COL4A3: variants seen among roughly 807,000 people sequenced by gnomAD.
COL4A3 encodes the protein collagen alpha-3(IV) chain.
A neutral mutation model predicts 217.4 loss-of-function variants in COL4A3; 135 were observed. The observed-to-expected ratio is 0.62, with a 90% CI of 0.54 to 0.72. The LOEUF is 0.72. COL4A3 is among the 30% of genes least tolerant of loss of function. COL4A3 has a pLI of 0.00. For missense variants in COL4A3, 1,868 were observed against 2,119.9 expected, an observed-to-expected ratio of 0.88 and a Z score of 2.33; for synonymous variants, 690 against 736.3, an observed-to-expected ratio of 0.94 and a Z score of 1.02.
Position 227,311,932 on chromosome 2 carries a change from T to A in COL4A3, c.*62T>A. ...TAAAGAACAAAGTAATGACAGAACATGCTGTTATTTAGGTATTTTTCTTTA... is the reference window on the plus strand; with the variant it reads ...TAAAGAACAAAGTAATGACAGAACAAGCTGTTATTTAGGTATTTTTCTTTA... On this transcript the variant is annotated 3_prime_UTR_variant, in exon 52 of 52. Transcript: ENST00000396578. 1 of 1,602,150 alleles carries A rather than the reference T, an allele frequency of 6.2e-7. No homozygotes were observed. The highest frequency in any genetic ancestry group is 8.5e-7 in the Non-Finnish European group (1 of 1,173,016).
In COL4A3 at chr2:227,253,360, T is replaced by G; in HGVS notation, c.687+23T>G. On this transcript the variant is annotated intron_variant, in intron 12 of 51. Coordinates refer to ENST00000396578, the MANE Select transcript of COL4A3 (RefSeq NM_000091.5). The surrounding 1 kb of genome is among the most constrained non-coding windows in gnomAD (Gnocchi z 4.4). ...CGGGTAATTTAAATACTATGTTTTA[T>G]TAGCAGGCGAGATATTTTATGTCCC... is the stretch of plus-strand genomic sequence containing the variant. 1.2e-6 allele frequency: 2 copies of G among 1,611,274 alleles called. No homozygotes were observed. Among genetic ancestry groups the G allele is most frequent in the Non-Finnish European group, 1.7e-6 (2 of 1,177,380 alleles).
intron 1 of COL4A3, among the ~76,000 whole-genome samples, chr2:227,211,396 T>C (rs763382546): frequency 6.6e-6 from 1 of 152,212 alleles, no homozygotes; most frequent in Non-Finnish European, 1.5e-5. Context: ...GGGGCATGCA[T>C]GGGGTTTCTC....
intron 1 of COL4A3, among the ~76,000 whole-genome samples, chr2:227,216,380 A>C (rs1272175662): frequency 6.6e-6 from 1 of 152,220 alleles, no homozygotes; most frequent in Non-Finnish European, 1.5e-5. Flanking sequence ...AACCAGGACA[A>C]TACTACAAAG....
At position 227,198,391 on chromosome 2, in the gene COL4A3, C is replaced by A. The variant is rs187951270; in HGVS notation, c.87+33578C>A. On this transcript the variant is annotated intron_variant, in intron 1 of 51. Coordinates refer to ENST00000396578, the MANE Select transcript of COL4A3 (RefSeq NM_000091.5). ...TTGTAGCAATACTTATTTAAAAATT[C>A]AAATATAGTATATCATTTATGAAGA... Among the ~76,000 whole-genome samples the A allele has an allele frequency of 8.7e-3, 1,318 of 152,194 alleles. 22 individuals are homozygous for A. The highest frequency in any genetic ancestry group is 0.03 in the African/African-American group (1,259 of 41,540).
rs2072034514 is a variant in COL4A3, at chr2:227,282,328, T to C, written c.2489-37T>C. The C allele has an allele frequency of 2.0e-6, 3 of 1,527,688 alleles. No homozygotes were observed. Among genetic ancestry groups the C allele is most frequent in the African/African-American group, 1.4e-5 (1 of 70,958 alleles). 94.6% of individuals were successfully genotyped at this position (1,527,688 alleles called of 1,614,324 possible). On this transcript the variant is annotated intron_variant, in intron 31 of 51. Coordinates refer to ENST00000396578, the MANE Select transcript of COL4A3 (RefSeq NM_000091.5). This position sits in a 1 kb window ranked among gnomAD's most constrained non-coding sequence, Gnocchi z 4.4. ...TCTGAAGTTAGTAGGGGAAAGCATTTGTGGGTTAATTAATTCATTCATTTA... is the reference window on the plus strand; with the variant it reads ...TCTGAAGTTAGTAGGGGAAAGCATTCGTGGGTTAATTAATTCATTCATTTA...
At chr2:227,295,236 C>T (rs1257905773) in intron 40 of COL4A3, 33 bp from the exon 41 acceptor site, 1 of 1,608,476 alleles carries the variant, frequency 6.2e-7, no homozygotes, top group South Asian at 1.1e-5. Context: ...TGAAATTGAC[C>T]AATTATTAAC....
At chr2:227,234,507 A>T (rs10184513) in intron 1 of COL4A3, among the ~76,000 whole-genome samples, 49,181 of 152,116 alleles carry the variant, frequency 0.32, 8,385 homozygotes, top group Non-Finnish European at 0.36. Context: ...GCAATTCATA[A>T]GCCTTCAAAT....
intron 1 of COL4A3, among the ~76,000 whole-genome samples, chr2:227,221,981 G>A (rs1271064209): frequency 7.0e-6 from 1 of 143,834 alleles, no homozygotes; most frequent in Non-Finnish European, 1.5e-5. Flanking sequence ...CAGCATCCTT[G>A]TGTTTAAAAT....
At chr2:227,262,223 G>A (rs548536163) in intron 20 of COL4A3, among the ~76,000 whole-genome samples, 11 of 152,250 alleles carry the variant, frequency 7.2e-5, no homozygotes, top group African/African-American at 2.6e-4. Flanking sequence ...ATCTCTTACA[G>A]TTAGAATGGG....
intron 1 of COL4A3, among the ~76,000 whole-genome samples, chr2:227,213,098 G>A (rs2067389448): frequency 6.6e-6 from 1 of 152,132 alleles, no homozygotes. Context: ...ACCCAACTTG[G>A]CTTCCTCCAA....
intron 2 of COL4A3, 136 bp from the exon 3 acceptor site, chr2:227,240,007 A>AT (rs1471984151): frequency 3.9e-5 from 34 of 863,214 alleles, no homozygotes; most frequent in South Asian, 5.8e-5. Flanking sequence ...GCTAATTATG[A>AT]TTTTTTTAAT....
At chr2:227,290,970 G>A in intron 37 of COL4A3, 84 bp downstream of exon 37, 5 of 1,481,854 alleles carry the variant, frequency 3.4e-6, no homozygotes, top group Non-Finnish European at 9.2e-7. Context: ...ATTCGGTGTG[G>A]GCAGAGAAAA....
intron 47 of COL4A3, among the ~76,000 whole-genome samples, chr2:227,307,127 T>G (rs949204266): frequency 6.6e-6 from 1 of 152,196 alleles, no homozygotes; most frequent in Non-Finnish European, 1.5e-5. Context: ...TACTTTGTTT[T>G]TAACTCATAT....
intron 1 of COL4A3, among the ~76,000 whole-genome samples, chr2:227,200,404 A>G (rs1385390625): frequency 3.9e-5 from 6 of 152,152 alleles, no homozygotes; most frequent in Admixed American, 3.9e-4. Flanking sequence ...TTGATTGTTC[A>G]ATTATTGGCT....
Position 227,273,208 on chromosome 2 carries a change from A to G in COL4A3, c.1927+91A>G. The G allele has an allele frequency of 4.4e-6, 6 of 1,354,352 alleles. No homozygotes were observed. In the South Asian group the frequency reaches 5.9e-5, roughly 13 times the overall value. 83.9% of individuals were successfully genotyped at this position (1,354,352 alleles called of 1,614,324 possible). A position where few individuals can be genotyped will look rare whatever the true frequency, so the allele number is the denominator to read the frequency against. On this transcript the variant is annotated intron_variant, in intron 26 of 51. Coordinates refer to ENST00000396578, the MANE Select transcript of COL4A3 (RefSeq NM_000091.5). ...AAGCTTCTCCAAGACTAAGGAAAAT[A>G]TAGAAACTTGCTTCTAACGAATAGA...
intron 1 of COL4A3, among the ~76,000 whole-genome samples, chr2:227,217,646 C>T (rs72977804): frequency 0.22 from 33,188 of 151,970 alleles, 4,307 homozygotes; most frequent in Non-Finnish European, 0.3. Context: ...CCAGGGAAGC[C>T]GTAAATTGCA....
chr2:227,280,254 G>A (rs1297372192), intron 29 of COL4A3, among the ~76,000 whole-genome samples, 186 bp from the exon 30 acceptor site: 1 of 152,092 alleles, frequency 6.6e-6, no homozygotes, highest in Non-Finnish European at 1.5e-5. Context: ...AAAAAGTGGA[G>A]GCTACATATC....
intron 1 of COL4A3, among the ~76,000 whole-genome samples, chr2:227,214,300 G>T (rs1333157058): frequency 6.6e-6 from 1 of 152,160 alleles, no homozygotes; most frequent in Non-Finnish European, 1.5e-5. Flanking sequence ...AAAAGTCATT[G>T]TTGAGTTATT....
Position 227,280,564 on chromosome 2 carries a change from G to C in COL4A3, c.2348G>C (p.Gly783Ala). 6.2e-7 allele frequency: 1 copy of C among 1,614,106 alleles called. No homozygotes were observed. Among genetic ancestry groups the C allele is most frequent in the Non-Finnish European group, 8.5e-7 (1 of 1,180,010 alleles). ...CTTCCAGGTCTCCCTGGAACTCCAGGAAATGAAGGGCTTGATGGACCACGA... is the reference window on the plus strand; with the variant it reads ...CTTCCAGGTCTCCCTGGAACTCCAGCAAATGAAGGGCTTGATGGACCACGA... ...PGLPGLPGTPGNEGLDGPRGD... is the reference protein window; with the variant it reads ...PGLPGLPGTPANEGLDGPRGD... The change falls in exon 30 of 52, where the codon GGA becomes GCA. Residue 783 changes from glycine (G) to alanine (A), a missense_variant. Physicochemically the swap from Gly to Ala is moderately conservative, Grantham distance 60. Transcript: ENST00000396578.
Sources: allele counts gnomAD v4.1 joint callset (sites outside exome capture counted in the v4.1 genomes callset), GRCh38; gene constraint gnomAD v4.1.1; non-coding constraint Gnocchi (gnomAD v3.1); transcripts MANE v1.5; gene names NCBI Gene and HGNC (gene_info 2026-07-23, HGNC 2026-07-21).